The following SLC12A8 variants were observed in gnomAD, a reference collection of about 807,000 sequenced individuals.
SLC12A8 encodes the protein solute carrier family 12 member 8.
A neutral mutation model predicts 75.6 loss-of-function variants in SLC12A8; 69 were observed. The observed-to-expected ratio is 0.91, with a 90% CI of 0.75 to 1.11. SLC12A8 has a LOEUF of 1.11. SLC12A8 is among the 50% of genes most tolerant of loss of function. SLC12A8 has a pLI of 0.00. For missense variants in SLC12A8, 877 were observed against 896.7 expected, an observed-to-expected ratio of 0.98 and a Z score of 0.28; for synonymous variants, 365 against 372.8, an observed-to-expected ratio of 0.98 and a Z score of 0.24.
chr3:125,193,105 A>G (rs1194206228), intron 2 of SLC12A8, among the ~76,000 whole-genome samples: 1 of 152,240 alleles, frequency 6.6e-6, no homozygotes. Flanking sequence ...GCAGTGGCTC[A>G]TGCCTGTAAT....
chr3:125,163,782 T>C (rs761411241), intron 5 of SLC12A8, among the ~76,000 whole-genome samples: 5 of 152,198 alleles, frequency 3.3e-5, no homozygotes, highest in Non-Finnish European at 7.4e-5. Flanking sequence ...TTCTCCCTGA[T>C]GCTGGGGTCA....
rs751946193 is a variant in SLC12A8 at position 125,110,326 on chromosome 3, T to G, written c.922A>C (p.Met308Leu). The G allele has an allele frequency of 5.6e-6, 9 of 1,613,258 alleles. No individual in the cohort carries two copies. The highest frequency in any genetic ancestry group is 2.5e-6 in the Non-Finnish European group (3 of 1,179,570). Residue 308 changes from methionine (M) to leucine (L), a missense_variant, in exon 9 of 14, where the codon ATG becomes CTG. Transcript: ENST00000469902. ...AAGCCCAAAAGGAACAGGAAGCCCATGAGGGATACCTGTGTGAGAAGCGGT... is the reference window on the plus strand; with the variant it reads ...AAGCCCAAAAGGAACAGGAAGCCCAGGAGGGATACCTGTGTGAGAAGCGGT... ...DFLIAEKVSLMGFLFLLGLYI... is the reference protein window; with the variant it reads ...DFLIAEKVSLLGFLFLLGLYI...
chr3:125,115,255 C>G (rs1210606370), intron 8 of SLC12A8, among the ~76,000 whole-genome samples: 1 of 152,174 alleles, frequency 6.6e-6, no homozygotes, highest in Non-Finnish European at 1.5e-5. Context: ...GGCGCAGTAG[C>G]TCATCCCTGT....
intron 12 of SLC12A8, among the ~76,000 whole-genome samples, chr3:125,090,867 A>G (rs1938564842): frequency 6.6e-6 from 1 of 152,162 alleles, no homozygotes. Flanking sequence ...TTTTCATTCA[A>G]TCTGACAATC....
intron 1 of SLC12A8, among the ~76,000 whole-genome samples, chr3:125,212,489 C>T (rs1160322178): frequency 6.6e-6 from 1 of 152,168 alleles, no homozygotes; most frequent in Non-Finnish European, 1.5e-5. Context: ...GACCCGGGCC[C>T]CTTGGCACCC....
intron 5 of SLC12A8, among the ~76,000 whole-genome samples, chr3:125,140,793 C>T (rs1285205699): frequency 6.6e-6 from 1 of 151,998 alleles, no homozygotes; most frequent in Non-Finnish European, 1.5e-5. Context: ...TATCGTAGCT[C>T]ACTGCAACCT....
intron 6 of SLC12A8, among the ~76,000 whole-genome samples, chr3:125,135,306 G>A (rs1933459097): frequency 6.6e-6 from 1 of 152,214 alleles, no homozygotes; most frequent in African/African-American, 2.4e-5. Flanking sequence ...TTGTCCTGCT[G>A]AGGAATCCGT....
chr3:125,173,986 G>A (rs1413561046), intron 5 of SLC12A8, among the ~76,000 whole-genome samples: 1 of 99,728 alleles, frequency 1.0e-5, no homozygotes, highest in Non-Finnish European at 2.3e-5. Context: ...CAGCAACTTG[G>A]GAGGCTGAGG....
chr3:125,188,013 T>G (rs1934828416), intron 3 of SLC12A8, among the ~76,000 whole-genome samples: 1 of 152,066 alleles, frequency 6.6e-6, no homozygotes, highest in African/African-American at 2.4e-5. Context: ...ATGATATGGT[T>G]TAGATGTTTG....
intron 3 of SLC12A8, among the ~76,000 whole-genome samples, chr3:125,189,272 C>T (rs1490609077): frequency 1.3e-5 from 2 of 152,226 alleles, no homozygotes; most frequent in Admixed American, 1.3e-4. Flanking sequence ...CTCAAGACTG[C>T]AGCATCAATC....
At chr3:125,093,088 T>C (rs1195795942) in intron 10 of SLC12A8, among the ~76,000 whole-genome samples, 1 of 152,188 alleles carries the variant, frequency 6.6e-6, no homozygotes, top group Non-Finnish European at 1.5e-5. Flanking sequence ...CATGAGGCAT[T>C]TGACTTTCTA....
At chr3:125,167,020 A>G (rs1293982107) in intron 5 of SLC12A8, among the ~76,000 whole-genome samples, 2 of 152,190 alleles carry the variant, frequency 1.3e-5, no homozygotes, top group Non-Finnish European at 2.9e-5. Context: ...TGCTTTATTT[A>G]TTTTTATGTT....
At chr3:125,114,536 T>A (rs1034574492) in intron 8 of SLC12A8, among the ~76,000 whole-genome samples, 5 of 152,204 alleles carry the variant, frequency 3.3e-5, no homozygotes, top group African/African-American at 4.8e-5. Context: ...GCGATTCTCT[T>A]GCCTCAGCCT....
intron 6 of SLC12A8, among the ~76,000 whole-genome samples, chr3:125,127,686 G>T (rs140008526): frequency 1.5e-3 from 225 of 152,306 alleles, no homozygotes; most frequent in African/African-American, 5.1e-3. Flanking sequence ...GTCAGGCTGT[G>T]GAGAAGTTTA....
At chr3:125,189,599 G>C (rs1019505282) in intron 3 of SLC12A8, among the ~76,000 whole-genome samples, 24 of 152,224 alleles carry the variant, frequency 1.6e-4, no homozygotes, top group African/African-American at 5.3e-4. Context: ...AGGGGATGAG[G>C]GCCCAGGCCA....
intron 10 of SLC12A8, among the ~76,000 whole-genome samples, chr3:125,104,060 A>G (rs1938959461): frequency 6.6e-6 from 1 of 152,088 alleles, no homozygotes; most frequent in Non-Finnish European, 1.5e-5. Flanking sequence ...AAAATAATTA[A>G]AGAAAACAGG....
rs780029494 is a variant in SLC12A8, at chr3:125,211,357, C to G, written c.-8G>C. 4.3e-6 allele frequency: 7 copies of G among 1,613,268 alleles called. No individual in the cohort carries two copies. Among genetic ancestry groups the G allele is most frequent in the Non-Finnish European group, 5.1e-6 (6 of 1,179,584 alleles). Reference sequence around the variant, plus strand: ...CTGGGACATCTGGGTCATTCTCCAGCAAGCAGGGATCCTGGTGATCTGGAC... The same window carrying G: ...CTGGGACATCTGGGTCATTCTCCAGGAAGCAGGGATCCTGGTGATCTGGAC... On this transcript the variant is annotated 5_prime_UTR_variant, in exon 2 of 14. Coordinates refer to ENST00000469902, the MANE Select transcript of SLC12A8 (RefSeq NM_024628.6).
intron 5 of SLC12A8, among the ~76,000 whole-genome samples, chr3:125,154,050 A>T (rs1351920798): frequency 6.6e-6 from 1 of 152,144 alleles, no homozygotes; most frequent in Non-Finnish European, 1.5e-5. Flanking sequence ...GCCCGGCCAG[A>T]TGATGAATTT....
chr3:125,157,489 G>C (rs143555040), intron 5 of SLC12A8, among the ~76,000 whole-genome samples: 1 of 152,064 alleles, frequency 6.6e-6, no homozygotes, highest in Non-Finnish European at 1.5e-5. Context: ...CTGCCTCCTC[G>C]CTTTGAAGCA....
Sources: gnomAD v4.1 joint callset for allele counts (sites outside exome capture counted in the v4.1 genomes callset) on GRCh38, gnomAD v4.1.1 for gene constraint, MANE v1.5 for transcripts, NCBI Gene and HGNC (gene_info 2026-07-23, HGNC 2026-07-21) for gene names.